The following NDUFA6 variants were observed in gnomAD, a reference collection of about 807,000 sequenced individuals.
The protein encoded by NDUFA6 is NADH dehydrogenase [ubiquinone] 1 alpha subcomplex subunit 6.
Under a neutral mutation model 12.5 loss-of-function variants are expected in NDUFA6, and 10 were observed. The observed-to-expected ratio is 0.80, with a 90% CI of 0.49 to 1.35. NDUFA6 has a LOEUF of 1.35. Ranked by LOEUF, NDUFA6 falls within the 40% of genes most tolerant of loss-of-function variation. The pLI is 0.00. For missense variants in NDUFA6, 177 were observed against 173.5 expected (o/e 1.02, Z -0.11); for synonymous variants, 66 against 63.0 (o/e 1.05, Z -0.23).
intron 2 of NDUFA6, among the ~76,000 whole-genome samples, chr22:42,086,740 T>C (rs1177113869): frequency 6.6e-6 from 1 of 152,208 alleles, no homozygotes; most frequent in Non-Finnish European, 1.5e-5. Flanking sequence ...CCACCCTAAC[T>C]GCCTCTTCCA....
At chr22:42,090,129 G>T in intron 1 of NDUFA6, 1 of 204,806 alleles carries the variant, frequency 4.9e-6, no homozygotes, top group South Asian at 6.8e-5. Context: ...GGAGCTTGCA[G>T]TGAGCCGAGA....
intron 1 of NDUFA6, among the ~76,000 whole-genome samples, chr22:42,088,084 G>A (rs1928377462): frequency 7.2e-6 from 1 of 138,112 alleles, no homozygotes; most frequent in Non-Finnish European, 1.5e-5. Flanking sequence ...TCCAGCCTGG[G>A]TGACAGAGTG....
chr22:42,090,760 A>G lies in NDUFA6; in HGVS notation c.-16T>C, dbSNP rs373963544. 1.8e-5 allele frequency: 29 copies of G among 1,613,756 alleles called. No individual in the cohort carries two copies. Among genetic ancestry groups the G allele is most frequent in the Middle Eastern group, 3.3e-4 (2 of 6,084 alleles). The stretch of plus-strand genomic sequence containing the variant: ...TCCCCGCCATCTTGCCAAAGCATCC[A>G]CTCCACAACCCCACCCCTTTGCAAG... On this transcript the variant is annotated 5_prime_UTR_variant, in exon 1 of 3. Coordinates refer to ENST00000498737, the MANE Select transcript of NDUFA6 (RefSeq NM_002490.6).
At position 42,086,192 on chromosome 22, in the gene NDUFA6, G is replaced by A. The variant is rs150607291; in HGVS notation, c.378C>T (p.His126=). Residue 126 remains histidine (H), a synonymous_variant, in exon 3 of 3, where the codon CAC becomes CAT. Coordinates refer to ENST00000498737, the MANE Select transcript of NDUFA6 (RefSeq NM_002490.6). ...TTTCCACTGAATGACTTCATGGATC[G>A]TGGCCAACATAGAACTTGGATAGGA... ...KDFLSKFYVG[H]DP is the part of the protein sequence containing the mutation. 1.1e-3 allele frequency: 1,775 copies of A among 1,614,190 alleles called. 5 individuals carry two copies. Among genetic ancestry groups the A allele is most frequent in the South Asian group, 1.8e-3 (165 of 91,092 alleles).
intron 1 of NDUFA6, among the ~76,000 whole-genome samples, chr22:42,089,235 TGCAACCAGAGAG>T: frequency 6.6e-6 from 1 of 151,866 alleles, no homozygotes; most frequent in East Asian, 1.9e-4. Flanking sequence ...ACCTTCCTCC[TGCAACCAGAGAG>T]GGTTCTGGGT....
intron 1 of NDUFA6, among the ~76,000 whole-genome samples, chr22:42,088,699 A>T (rs1928429244): frequency 7.0e-6 from 1 of 143,668 alleles, no homozygotes. Flanking sequence ...CCAGCCTGGG[A>T]GACAAGAGCG....
chr22:42,089,850 C>T (rs1292176852), intron 1 of NDUFA6: 1 of 152,574 alleles, frequency 6.6e-6, no homozygotes, highest in African/African-American at 2.4e-5. Context: ...CATTCTACCG[C>T]CTTTTCACAC....
intron 1 of NDUFA6, among the ~76,000 whole-genome samples, chr22:42,089,388 C>A (rs1928484272): frequency 6.6e-6 from 1 of 150,538 alleles, no homozygotes; most frequent in South Asian, 2.1e-4. Context: ...CATCTTTTAT[C>A]TGCCTGCCCC....
intron 2 of NDUFA6, 66 bp downstream of exon 2, chr22:42,086,994 T>G (rs1928289527): frequency 9.0e-7 from 1 of 1,116,752 alleles, no homozygotes; most frequent in East Asian, 2.4e-5. Context: ...AATGTTCATT[T>G]GGAAAGACTA....
rs373840595 is a variant in NDUFA6 at position 42,090,716 on chromosome 22, G to A, written c.29C>T (p.Thr10Ile). Residue 10 changes from threonine (T) to isoleucine (I), a missense_variant, in exon 1 of 3, where the codon ACT becomes ATT. Physicochemically the swap from Thr to Ile is moderately conservative, Grantham distance 89. Around this residue, in one of 3 missense-constraint regions of NDUFA6, gnomAD observed 111 missense variants for 87.2 expected, o/e 1.27. Coordinates refer to ENST00000498737, the MANE Select transcript of NDUFA6 (RefSeq NM_002490.6). MAGSGVRQA[T>I]STASTFVKPI... ...CTTCACGAAGGTGCTGGCGGTAGAA[G>A]TAGCTTGGCGGACGCCGCTCCCCGC... 4.8e-5 allele frequency: 77 copies of A among 1,614,078 alleles called. No homozygotes were observed. The highest frequency in any genetic ancestry group is 6.0e-5 in the Non-Finnish European group (71 of 1,180,046).
In NDUFA6 at chr22:42,090,640, G is replaced by A; in HGVS notation, c.105C>T (p.Leu35=). The A allele has an allele frequency of 6.2e-7, 1 of 1,614,118 alleles. No homozygotes were observed. The highest frequency in any genetic ancestry group is 8.5e-7 in the Non-Finnish European group (1 of 1,180,042). ...GCACCTCCCGATACCAGGCGCGGTA[G>A]AGCTCGCGCACCCTCCGCTTGGCCT... ...MNEAKRRVRE[L]YRAWYREVPN... is the part of the protein sequence containing the mutation. Residue 35 remains leucine (L), a synonymous_variant, in exon 1 of 3, where the codon CTC becomes CTT. Transcript: ENST00000498737.
At chr22:42,090,175 A>G (rs1195159826) in intron 1 of NDUFA6, 5 of 310,402 alleles carry the variant, frequency 1.6e-5, no homozygotes, top group Admixed American at 4.5e-5. Flanking sequence ...CGACACAGCG[A>G]GACTCTGTCA....
chr22:42,090,123 C>T (rs1928539789), intron 1 of NDUFA6: 1 of 199,762 alleles, frequency 5.0e-6, no homozygotes, highest in South Asian at 7.2e-5. Context: ...GGAGGCGGAG[C>T]TTGCAGTGAG....
intron 1 of NDUFA6, among the ~76,000 whole-genome samples, chr22:42,088,033 G>A (rs1210167269): frequency 1.3e-5 from 2 of 150,820 alleles, no homozygotes; most frequent in Non-Finnish European, 3.0e-5. Flanking sequence ...ACTTGAACCC[G>A]GGAGGTGGAG....
At position 42,087,006 on chromosome 22, in the gene NDUFA6, G is replaced by C. The variant is rs1928289756; in HGVS notation, c.255+54C>G. On this transcript the variant is annotated intron_variant, in intron 2 of 2. Transcript: ENST00000498737. ...CAAAATGTTCATTTGGAAAGACTAAGAAGTAGTGGACAAGTTGGCTGATCT... is the reference window on the plus strand; with the variant it reads ...CAAAATGTTCATTTGGAAAGACTAACAAGTAGTGGACAAGTTGGCTGATCT... 2.5e-6 allele frequency: 3 copies of C among 1,204,170 alleles called. No homozygotes were observed. In the Admixed American group the frequency reaches 5.0e-5, roughly 20 times the overall value. 74.6% of individuals were successfully genotyped at this position (1,204,170 alleles called of 1,614,324 possible).
At position 42,088,547 on chromosome 22, in the gene NDUFA6, C is replaced by T. The variant is rs570019201; in HGVS notation, c.140-1372G>A. Among the ~76,000 whole-genome samples the T allele has an allele frequency of 3.5e-4, 53 of 152,172 alleles. No individual in the cohort carries two copies. In the South Asian group the frequency reaches 4.8e-3, roughly 14 times the overall value. On this transcript the variant is annotated intron_variant, in intron 1 of 2. Transcript: ENST00000498737. ...CAGCCTGGCCAACATGGTGAAACCC[C>T]GTTTCTACTAAAAATACAAAAGTTA... is the stretch of plus-strand genomic sequence containing the variant.
In NDUFA6 at chr22:42,086,273, C is replaced by A; in HGVS notation, c.297G>T (p.Gln99His). 6.2e-7 allele frequency: 1 copy of A among 1,614,236 alleles called. No homozygotes were observed. Among genetic ancestry groups the A allele is most frequent in the African/African-American group, 1.3e-5 (1 of 75,060 alleles). ...ELEETIKVWK[Q>H]RTHVMRFFHE... ...GGAAGAACCGCATAACATGTGTCCG[C>A]TGCTTCCATACTTTAATTGTTTCTT... is the stretch of plus-strand genomic sequence containing the variant. The change falls in exon 3 of 3, where the codon CAG becomes CAT. Residue 99 changes from glutamine (Q) to histidine (H), a missense_variant. Physicochemically the swap from Gln to His is conservative, Grantham distance 24. Transcript: ENST00000498737.
Position 42,086,912 on chromosome 22 carries a change from G to A in NDUFA6, c.255+148C>T, listed in dbSNP as rs1928284050. 4.3e-6 allele frequency: 3 copies of A among 697,678 alleles called. No homozygotes were observed. In the Admixed American group the frequency reaches 6.3e-5, roughly 15 times the overall value. 43.2% of individuals were successfully genotyped at this position (697,678 alleles called of 1,614,324 possible). A position where few individuals can be genotyped will look rare whatever the true frequency, so the allele number is the denominator to read the frequency against. On this transcript the variant is annotated intron_variant, in intron 2 of 2. Coordinates refer to ENST00000498737, the MANE Select transcript of NDUFA6 (RefSeq NM_002490.6). Reference sequence around the variant, plus strand: ...TATTTAACCAGATGATAACCTCCAAGTTCAAGTATTTCTCTGAAACACAGC... The same window carrying A: ...TATTTAACCAGATGATAACCTCCAAATTCAAGTATTTCTCTGAAACACAGC...
Position 42,085,817 on chromosome 22 carries a change from A to G in NDUFA6, c.*366T>C, listed in dbSNP as rs1050011404. On this transcript the variant is annotated 3_prime_UTR_variant, in exon 3 of 3. Coordinates refer to ENST00000498737, the MANE Select transcript of NDUFA6 (RefSeq NM_002490.6). The stretch of plus-strand genomic sequence containing the variant: ...TGATCCCTGACAGGAAGAGCTGGCT[A>G]ATTTTAGATAATCTGTGCCCTGACA... 2.5e-5 allele frequency: 9 copies of G among 355,856 alleles called. No individual in the cohort carries two copies. Among genetic ancestry groups the G allele is most frequent in the Non-Finnish European group, 5.4e-6 (1 of 186,664 alleles). 22.0% of individuals were successfully genotyped at this position (355,856 alleles called of 1,614,324 possible).
Sources: gnomAD v4.1 joint callset for allele counts (sites outside exome capture counted in the v4.1 genomes callset) on GRCh38, gnomAD v4.1.1 for gene constraint, gnomAD v4.1.1 regional missense constraint, MANE v1.5 for transcripts, NCBI Gene and HGNC (gene_info 2026-07-23, HGNC 2026-07-21) for gene names.